RBPMS2: variants seen among roughly 807,000 people sequenced by gnomAD.
RBPMS2 encodes the protein RNA-binding protein with multiple splicing 2.
A neutral mutation model predicts 25.7 loss-of-function variants in RBPMS2; 14 were observed. That is an observed-to-expected ratio of 0.55 (90% CI 0.36 to 0.85). The LOEUF is 0.85. Ranked by LOEUF, RBPMS2 falls within the 40% of genes least tolerant of loss-of-function variation. The pLI, the probability that RBPMS2 is intolerant of heterozygous loss-of-function variation, is 0.01. For missense variants in RBPMS2, 252 were observed against 283.4 expected (o/e 0.89, Z 0.80); for synonymous variants, 127 against 115.6 (o/e 1.10, Z -0.63).
chr15:64,751,799 C>T (rs2083684302), intron 1 of RBPMS2, among the ~76,000 whole-genome samples, 161 bp from the exon 2 acceptor site: 1 of 152,116 alleles, frequency 6.6e-6, no homozygotes, highest in Non-Finnish European at 1.5e-5. Context: ...CATTGTTTCA[C>T]AGCACTCAAT....
intron 1 of RBPMS2, among the ~76,000 whole-genome samples, chr15:64,771,687 C>T (rs1014014264): frequency 4.0e-5 from 6 of 151,746 alleles, no homozygotes; most frequent in Non-Finnish European, 7.4e-5. Flanking sequence ...AGGCTGGGCG[C>T]CGTGGCTCAG....
At chr15:64,751,457 C>T (rs766174916) in intron 2 of RBPMS2, 104 bp downstream of exon 2, 9 of 925,056 alleles carry the variant, frequency 9.7e-6, no homozygotes, top group Non-Finnish European at 1.6e-5. Flanking sequence ...GCTTCTGCCA[C>T]GCCTTCCCGC....
Position 64,764,698 on chromosome 15 carries a change from G to C in RBPMS2, c.87+10535C>G, listed in dbSNP as rs368587084. Among the ~76,000 whole-genome samples, 3 of 151,782 alleles carry C rather than the reference G, an allele frequency of 2.0e-5. No individual in the cohort carries two copies. The East Asian group carries it at 5.8e-4, about 29-fold the overall frequency. ...TGAGAGGCTGAGGCGGGCGGATCAC[G>C]AAGTCAGGAGATCGAGACCATCCTG... On this transcript the variant is annotated intron_variant, in intron 1 of 7. Transcript: ENST00000300069.
chr15:64,741,495 T>C (rs2083562226), intron 6 of RBPMS2, among the ~76,000 whole-genome samples: 1 of 152,148 alleles, frequency 6.6e-6, no homozygotes, highest in South Asian at 2.1e-4. Context: ...CATACCCCAA[T>C]CAGCCCAATC....
intron 1 of RBPMS2, among the ~76,000 whole-genome samples, chr15:64,766,838 T>C (rs1222506286): frequency 6.6e-6 from 1 of 152,006 alleles, no homozygotes; most frequent in Non-Finnish European, 1.5e-5. Flanking sequence ...CTGTTTTTGT[T>C]TTTTGAGACC....
rs377133037 is a variant in RBPMS2, at chr15:64,749,029, A to T, written c.389T>A (p.Leu130Gln). 15 of 1,614,158 alleles carry T rather than the reference A, an allele frequency of 9.3e-6. No homozygotes were observed. In the African/African-American group the frequency reaches 1.1e-4, roughly 11 times the overall value. ...TPNPSNVHPA[L>Q]GAHFIARDPY... ...GTCCCGTGCGATGAAGTGTGCTCCT[A>T]GGGCGGGGTGCACGTTGCTGGGATT... is the stretch of plus-strand genomic sequence containing the variant. Residue 130 changes from leucine (L) to glutamine (Q), a missense_variant, in exon 5 of 8, where the codon CTA (leucine) becomes CAA (glutamine). Coordinates refer to ENST00000300069, the MANE Select transcript of RBPMS2 (RefSeq NM_194272.3).
intron 1 of RBPMS2, among the ~76,000 whole-genome samples, chr15:64,755,520 C>A (rs2083724667): frequency 6.6e-6 from 1 of 152,100 alleles, no homozygotes; most frequent in South Asian, 2.1e-4. Flanking sequence ...GGTGATTTGT[C>A]AACGGCACAC....
At chr15:64,763,313 CACA>C (rs1286068382) in intron 1 of RBPMS2, among the ~76,000 whole-genome samples, 3 of 152,240 alleles carry the variant, frequency 2.0e-5, no homozygotes, top group Admixed American at 6.5e-5. Flanking sequence ...CCACACACTC[CACA>C]ACATGTTTCC....
rs1939123041 is a variant in RBPMS2 at position 64,749,079 on chromosome 15, G to C, written c.339C>G (p.Ala113=). The part of the protein sequence containing the change: ...LEFAKANTKM[A]KSKLMATPNP... ...TTGGAGTTGCCATTAGCTTGCTCTTGGCCATCTTGGTGTTGGCTTTGGCAA... is the reference window on the plus strand; with the variant it reads ...TTGGAGTTGCCATTAGCTTGCTCTTCGCCATCTTGGTGTTGGCTTTGGCAA... The change falls in exon 5 of 8, where the codon GCC becomes GCG. Residue 113 remains alanine, a synonymous_variant. Transcript: ENST00000300069. 2.5e-6 allele frequency: 4 copies of C among 1,614,054 alleles called. No homozygotes were observed. In the South Asian group the frequency reaches 4.4e-5, roughly 18 times the overall value.
intron 3 of RBPMS2, among the ~76,000 whole-genome samples, chr15:64,749,833 C>T (rs182659956): frequency 6.6e-6 from 1 of 152,242 alleles, no homozygotes; most frequent in East Asian, 1.9e-4. Flanking sequence ...CCAGTGTTTT[C>T]CCCAGCAAGA....
chr15:64,742,051 C>T (rs2083567517), intron 6 of RBPMS2, among the ~76,000 whole-genome samples: 1 of 99,928 alleles, frequency 1.0e-5, no homozygotes, highest in Admixed American at 1.3e-4. Context: ...GTAATCCCAG[C>T]TACTCGGGAG....
chr15:64,775,119 G>A (rs1338074349), intron 1 of RBPMS2, 114 bp downstream of exon 1: 9 of 483,750 alleles, frequency 1.9e-5, no homozygotes, highest in Non-Finnish European at 2.8e-5. Flanking sequence ...CGGCGGGAAG[G>A]CGCCGGGAGC....
chr15:64,767,106 C>CT (rs913222518), intron 1 of RBPMS2, among the ~76,000 whole-genome samples: 35 of 151,058 alleles, frequency 2.3e-4, no homozygotes, highest in East Asian at 7.8e-4. Context: ...TTTTTTCTCT[C>CT]TTTTTTTTTG....
chr15:64,757,810 T>TCG (rs1555430952), intron 1 of RBPMS2, among the ~76,000 whole-genome samples: 10 of 151,204 alleles, frequency 6.6e-5, no homozygotes, highest in Non-Finnish European at 1.2e-4. Context: ...CAAGGCCCTA[T>TCG]CCCCCCCCAC....
At chr15:64,741,320 T>G in intron 6 of RBPMS2, 78 bp from the exon 7 acceptor site, 7 of 1,141,400 alleles carry the variant, frequency 6.1e-6, no homozygotes, top group Non-Finnish European at 9.0e-6. Flanking sequence ...TGGCCATCGG[T>G]GTCCCCGCTG....
chr15:64,763,439 G>A (rs1449168397), intron 1 of RBPMS2, among the ~76,000 whole-genome samples: 1 of 152,136 alleles, frequency 6.6e-6, no homozygotes, highest in East Asian at 1.9e-4. Flanking sequence ...GAGTTTACCA[G>A]TGTCACCACA....
intron 1 of RBPMS2, among the ~76,000 whole-genome samples, chr15:64,771,273 G>T (rs1388518571): frequency 6.6e-6 from 1 of 152,186 alleles, no homozygotes; most frequent in Non-Finnish European, 1.5e-5. Context: ...CTATAACTTA[G>T]TATCACCTCG....
At chr15:64,743,607 C>T (rs898354572) in intron 6 of RBPMS2, among the ~76,000 whole-genome samples, 3 of 150,366 alleles carry the variant, frequency 2.0e-5, no homozygotes, top group Non-Finnish European at 4.4e-5. Context: ...ACAGGGCACC[C>T]GCAGTGTCCT....
chr15:64,750,216 A>G, intron 3 of RBPMS2, 127 bp downstream of exon 3: 1 of 847,534 alleles, frequency 1.2e-6, no homozygotes, highest in South Asian at 1.4e-5. Flanking sequence ...TGTCAGAAAC[A>G]GGACAACAGG....
Sources: gnomAD v4.1 joint callset for allele counts (sites outside exome capture counted in the v4.1 genomes callset) on GRCh38, gnomAD v4.1.1 for gene constraint, MANE v1.5 for transcripts, NCBI Gene and HGNC (gene_info 2026-07-23, HGNC 2026-07-21) for gene names.